The following COL17A1 variants were observed in gnomAD, a reference collection of about 807,000 sequenced individuals.
COL17A1 encodes collagen type XVII alpha 1 chain, also known as collagen alpha-1(XVII) chain.
Under a neutral mutation model 218.4 loss-of-function variants are expected in COL17A1, and 181 were observed. The ratio of observed to expected loss-of-function variants is 0.83; its 90% confidence interval spans 0.73 to 0.94. COL17A1 has a LOEUF of 0.94. Ranked by LOEUF, COL17A1 falls within the 40% of genes least tolerant of loss-of-function variation. COL17A1 has a pLI of 0.00. For missense variants in COL17A1, 1,924 were observed against 1,945.9 expected (o/e 0.99, Z 0.21); for synonymous variants, 721 against 731.0 (o/e 0.99, Z 0.22).
chr10:104,085,663 G>T (rs1433432902), intron 1 of COL17A1, 60 bp downstream of exon 1: 1 of 152,494 alleles, frequency 6.6e-6, no homozygotes, highest in Admixed American at 6.5e-5. Context: ...TTTCTAAATG[G>T]CAAACCTTAA....
chr10:104,035,525 G>T lies in COL17A1; in HGVS notation c.3457C>A (p.Pro1153Thr), dbSNP rs2086271481. Residue 1153 changes from proline (P) to threonine (T), a missense_variant, in exon 49 of 56, where the codon CCC (proline) becomes ACC (threonine). By Grantham distance (38) the Pro-to-Thr change is conservative. Transcript: ENST00000648076. The stretch of plus-strand genomic sequence containing the variant: ...TAGGAGGTTCCCGGCAAGCCAGGGG[G>T]CCCCGGGGGACCAGGAAGCCCAATG... ...ISIGLPGPPG[P>T]PGLPGTSYEE... 1 of 1,614,030 alleles carries T rather than the reference G, an allele frequency of 6.2e-7. No individual in the cohort carries two copies. Among genetic ancestry groups the T allele is most frequent in the Non-Finnish European group, 8.5e-7 (1 of 1,179,974 alleles).
intron 8 of COL17A1, 54 bp downstream of exon 8, chr10:104,071,978 C>T: frequency 6.2e-7 from 1 of 1,611,894 alleles, no homozygotes; most frequent in Non-Finnish European, 8.5e-7. Context: ...ACACACACAG[C>T]ACTAGCCCTG....
chr10:104,060,547 C>G (rs557837120), intron 13 of COL17A1, among the ~76,000 whole-genome samples: 29 of 152,178 alleles, frequency 1.9e-4, no homozygotes, highest in Admixed American at 1.7e-3. Flanking sequence ...GGGGCTGCCT[C>G]CCCTCCTGGA....
intron 29 of COL17A1, among the ~76,000 whole-genome samples, chr10:104,048,608 A>G (rs999514209): frequency 6.6e-6 from 1 of 152,052 alleles, no homozygotes; most frequent in African/African-American, 2.4e-5. Flanking sequence ...CGTCCTTCCT[A>G]TTGGAAGAAA....
chr10:104,062,830 G>C (rs1329341011), intron 11 of COL17A1, among the ~76,000 whole-genome samples: 2 of 152,104 alleles, frequency 1.3e-5, no homozygotes, highest in Non-Finnish European at 2.9e-5. Flanking sequence ...GGTTTCGAAG[G>C]CTCCTTGTTT....
chr10:104,056,892 TCA>T (rs2086533622), intron 17 of COL17A1, 81 bp downstream of exon 17: 1 of 1,546,560 alleles, frequency 6.5e-7, no homozygotes, highest in East Asian at 2.4e-5. Context: ...GTGGGCCCAT[TCA>T]CAGATTCCTG....
rs115953168 is a variant in COL17A1, at chr10:104,050,413, G to A, written c.2128+208C>T. On this transcript the variant is annotated intron_variant, in intron 27 of 55. Transcript: ENST00000648076. Reference sequence around the variant, plus strand: ...TGGAATTCTGTGTCTTCACCACCCCGAGAAACACTCACCACCCCAGAATTC... The same window carrying A: ...TGGAATTCTGTGTCTTCACCACCCCAAGAAACACTCACCACCCCAGAATTC... Among the ~76,000 whole-genome samples, 1,088 of 152,148 alleles carry A rather than the reference G, an allele frequency of 7.2e-3. 6 individuals are homozygous for A. Among genetic ancestry groups the A allele is most frequent in the African/African-American group, 0.025 (1,056 of 41,480 alleles).
chr10:104,081,767 C>T (rs2086766631), intron 1 of COL17A1, among the ~76,000 whole-genome samples: 1 of 152,202 alleles, frequency 6.6e-6, no homozygotes, highest in South Asian at 2.1e-4. Flanking sequence ...TCAGGCTCGA[C>T]TTACCCAGTA....
intron 4 of COL17A1, 78 bp downstream of exon 4, chr10:104,077,344 G>T: frequency 1.8e-6 from 2 of 1,111,168 alleles, no homozygotes; most frequent in Non-Finnish European, 2.7e-6. Context: ...TCTGCCCTGT[G>T]TCCTGTGTAG....
chr10:104,061,540 GCCCTGGCAGAGAGGT>G, intron 12 of COL17A1, 67 bp from the exon 13 acceptor site: 2 of 1,403,262 alleles, frequency 1.4e-6, no homozygotes, highest in Non-Finnish European at 2.0e-6. Flanking sequence ...AGCCTGATCA[GCCCTGGCAGAGAGGT>G]ACCCCCGACC....
chr10:104,049,602 G>T lies in COL17A1; in HGVS notation c.2165-131C>A, dbSNP rs1288453208. On this transcript the variant is annotated intron_variant, in intron 28 of 55. Transcript: ENST00000648076. The stretch of plus-strand genomic sequence containing the variant: ...TTGATTCCAAGGTCAGGGCCACTTG[G>T]AACCCCTGGGAAGTGGCATGGGCTC... The T allele has an allele frequency of 4.5e-6, 4 of 884,790 alleles. No homozygotes were observed. In the Admixed American group the frequency reaches 7.8e-5, roughly 17 times the overall value. 54.8% of individuals were successfully genotyped at this position (884,790 alleles called of 1,614,324 possible). A position where few individuals can be genotyped will look rare whatever the true frequency, so the allele number is the denominator to read the frequency against.
chr10:104,059,695 T>C lies in COL17A1; in HGVS notation c.1165A>G (p.Lys389Glu). 1 of 1,614,250 alleles carries C rather than the reference T, an allele frequency of 6.2e-7. No homozygotes were observed. The highest frequency in any genetic ancestry group is 8.5e-7 in the Non-Finnish European group (1 of 1,180,048). The change falls in exon 15 of 56, where the codon AAA (lysine) becomes GAA (glutamate). Residue 389 changes from lysine (K) to glutamate (E), a missense_variant. Coordinates refer to ENST00000648076, the MANE Select transcript of COL17A1 (RefSeq NM_000494.4). ...TTGTAGGCAGCTTGCTTTTCTTTTT[T>C]TAGGGTGTCTTCTGAAAAAGAAGCT... ...AATSFSEDTL[K>E]KEKQAAYNAD...
chr10:104,049,945 A>C, intron 28 of COL17A1, 144 bp downstream of exon 28: 1 of 1,303,126 alleles, frequency 7.7e-7, no homozygotes. Context: ...TTATTTTCTC[A>C]TCTTGTGTTT....
At chr10:104,044,609 G>A (rs1324358545) in intron 33 of COL17A1, among the ~76,000 whole-genome samples, 1 of 152,136 alleles carries the variant, frequency 6.6e-6, no homozygotes, top group Non-Finnish European at 1.5e-5. Flanking sequence ...GCAGAGGGAT[G>A]GTCTCTGCTC....
At chr10:104,071,920 A>T in intron 8 of COL17A1, 112 bp downstream of exon 8, 1 of 1,517,334 alleles carries the variant, frequency 6.6e-7, no homozygotes, top group Non-Finnish European at 9.1e-7. Flanking sequence ...ATGCATGTAC[A>T]TACATGTGTG....
At chr10:104,053,182 G>T in intron 22 of COL17A1, 47 bp from the exon 23 acceptor site, 1 of 1,600,728 alleles carries the variant, frequency 6.2e-7, no homozygotes. Context: ...CCGTACCCCA[G>T]CTAACGGCTC....
chr10:104,049,271 T>G lies in COL17A1; in HGVS notation c.2227+138A>C, dbSNP rs75602814. 4.7e-5 allele frequency: 37 copies of G among 784,332 alleles called. 1 individual carries two copies. In the Middle Eastern group the frequency reaches 7.0e-4, roughly 15 times the overall value. The allele number at this position is 784,332 out of a possible 1,614,324, so 48.6% of individuals were successfully genotyped here. On this transcript the variant is annotated intron_variant, in intron 29 of 55. Coordinates refer to ENST00000648076, the MANE Select transcript of COL17A1 (RefSeq NM_000494.4). Reference sequence around the variant, plus strand: ...CAGAAAGGATGCCCAGACACAGAAATGACTGGTCAAGGGAGACTCTACCAG... The same window carrying G: ...CAGAAAGGATGCCCAGACACAGAAAGGACTGGTCAAGGGAGACTCTACCAG...
In COL17A1 at chr10:104,050,902, C is replaced by T. The variant is rs760645454; in HGVS notation, c.2039-1G>A. The T allele has an allele frequency of 1.2e-6, 2 of 1,614,168 alleles. No homozygotes were observed. Among genetic ancestry groups the T allele is most frequent in the South Asian group, 2.2e-5 (2 of 91,086 alleles). On this transcript the variant is annotated splice_acceptor_variant, in intron 25 of 55. Coordinates refer to ENST00000648076, the MANE Select transcript of COL17A1 (RefSeq NM_000494.4). LOFTEE classifies it high-confidence loss of function. ...CGGAGCCCTTGGAGACCTACAGGAC[C>T]TGCCCGGCAGAAGAAACCATGCACA... is the stretch of plus-strand genomic sequence containing the variant.
At position 104,035,583 on chromosome 10, in the gene COL17A1, A is replaced by G. The variant is rs1201919339; in HGVS notation, c.3419-20T>C. On this transcript the variant is annotated intron_variant, in intron 48 of 55. Transcript: ENST00000648076. ...CAGAACCTAGGGAGGTGATGGATTCAGATCAGGCAGGGGGAGGCAGATGGA... is the reference window on the plus strand; with the variant it reads ...CAGAACCTAGGGAGGTGATGGATTCGGATCAGGCAGGGGGAGGCAGATGGA... 3.1e-6 allele frequency: 5 copies of G among 1,601,258 alleles called. No homozygotes were observed. In the East Asian group the frequency reaches 1.1e-4, roughly 36 times the overall value.
Sources: gnomAD v4.1 joint callset for allele counts (sites outside exome capture counted in the v4.1 genomes callset) on GRCh38, gnomAD v4.1.1 for gene constraint, MANE v1.5 for transcripts, NCBI Gene and HGNC (gene_info 2026-07-23, HGNC 2026-07-21) for gene names.